The following FRY variants were observed in gnomAD, a reference collection of about 807,000 sequenced individuals.
FRY encodes the protein protein furry homolog.
A neutral mutation model predicts 348.4 loss-of-function variants in FRY; 128 were observed. The ratio of observed to expected loss-of-function variants is 0.37; its 90% CI spans 0.32 to 0.43. The LOEUF (loss-of-function observed/expected upper bound fraction) is 0.43, where lower values mean the gene tolerates loss of function less well. FRY is among the 20% of genes least tolerant of loss of function. The pLI is 1.00. For synonymous variants in FRY, 1,370 were observed against 1,374.7 expected (o/e 1.00, Z 0.08); for missense variants, 2,736 against 3,695.2 (o/e 0.74, Z 6.73).
chr13:32,052,386 T>C (rs1415691168), intron 1 of FRY, among the ~76,000 whole-genome samples: 1 of 152,240 alleles, frequency 6.6e-6, no homozygotes, highest in Non-Finnish European at 1.5e-5. Context: ...TGTGTCTAAG[T>C]TTTATAAAAA....
At chr13:32,145,545 T>TG (rs1880373915) in intron 11 of FRY, among the ~76,000 whole-genome samples, 2 of 145,756 alleles carry the variant, frequency 1.4e-5, no homozygotes, top group South Asian at 4.4e-4. Flanking sequence ...TTTTTTTTTT[T>TG]TTTTTTTTTT....
chr13:32,154,332 T>C (rs890000103), intron 14 of FRY, among the ~76,000 whole-genome samples: 2 of 152,212 alleles, frequency 1.3e-5, no homozygotes, highest in Non-Finnish European at 2.9e-5. Flanking sequence ...AAAGTACACA[T>C]TGAATTGCTT....
intron 2 of FRY, among the ~76,000 whole-genome samples, chr13:32,095,544 C>T (rs1234722959): frequency 1.3e-5 from 2 of 151,978 alleles, no homozygotes; most frequent in African/African-American, 4.8e-5. Context: ...GGGATTTCAC[C>T]ATGTTGGTCA....
chr13:32,159,374 G>A (rs573068353), intron 16 of FRY, among the ~76,000 whole-genome samples: 77 of 152,268 alleles, frequency 5.1e-4, no homozygotes, highest in African/African-American at 1.8e-3. Context: ...ACTTTCCCAG[G>A]CCCTACGCAG....
chr13:32,178,101 T>C, intron 20 of FRY, 76 bp from the exon 21 acceptor site: 1 of 1,482,412 alleles, frequency 6.7e-7, no homozygotes, highest in Non-Finnish European at 9.4e-7. Context: ...CAAGAATGAG[T>C]AGTCAGGCTG....
intron 41 of FRY, among the ~76,000 whole-genome samples, chr13:32,234,027 G>A (rs1053231475): frequency 1.8e-4 from 26 of 148,542 alleles, no homozygotes; most frequent in African/African-American, 6.4e-4. Flanking sequence ...GCACACTCCT[G>A]TAATCCCAGC....
intron 14 of FRY, among the ~76,000 whole-genome samples, 159 bp downstream of exon 14, chr13:32,149,993 G>C (rs1373115195): frequency 6.6e-6 from 1 of 152,216 alleles, no homozygotes; most frequent in Non-Finnish European, 1.5e-5. Context: ...AATTTCAGAA[G>C]TAAAATTTTG....
intron 3 of FRY, among the ~76,000 whole-genome samples, chr13:32,110,736 A>G (rs531311747): frequency 4.6e-5 from 7 of 152,336 alleles, no homozygotes; most frequent in Admixed American, 2.0e-4. Flanking sequence ...TAAACATACA[A>G]TGTGTTAAAT....
At chr13:32,206,842 T>C (rs985038477) in intron 31 of FRY, among the ~76,000 whole-genome samples, 1 of 152,222 alleles carries the variant, frequency 6.6e-6, no homozygotes, top group African/African-American at 2.4e-5. Flanking sequence ...AAATTTTTAT[T>C]GCCTGTAATT....
At chr13:32,173,583 T>C (rs1455453581) in intron 19 of FRY, 34 bp downstream of exon 19, 3 of 1,465,266 alleles carry the variant, frequency 2.0e-6, no homozygotes, top group Non-Finnish European at 2.9e-6. Flanking sequence ...TTCCATTTCT[T>C]ACTTTCAACT....
At chr13:32,101,051 T>C (rs1877133167) in intron 2 of FRY, among the ~76,000 whole-genome samples, 1 of 152,192 alleles carries the variant, frequency 6.6e-6, no homozygotes, top group Non-Finnish European at 1.5e-5. Context: ...ACAGTAGCTC[T>C]CCAGAACTTA....
intron 15 of FRY, 152 bp downstream of exon 15, chr13:32,155,814 G>A: frequency 1.6e-6 from 1 of 610,202 alleles, no homozygotes; most frequent in East Asian, 2.8e-5. Context: ...GATTCATGCT[G>A]TGTTTTGTTT....
intron 29 of FRY, among the ~76,000 whole-genome samples, chr13:32,195,692 A>G (rs1307015751): frequency 6.6e-6 from 1 of 152,222 alleles, no homozygotes; most frequent in Admixed American, 6.5e-5. Context: ...TTAACAACAT[A>G]GTCTCAATTT....
intron 26 of FRY, 125 bp downstream of exon 26, chr13:32,185,273 A>G (rs1268917043): frequency 1.6e-5 from 12 of 770,608 alleles, no homozygotes; most frequent in Non-Finnish European, 2.3e-5. Context: ...AAGTTTATTT[A>G]CTTCGAGATA....
At chr13:32,104,684 A>T (rs763904133) in intron 3 of FRY, among the ~76,000 whole-genome samples, 4 of 152,100 alleles carry the variant, frequency 2.6e-5, no homozygotes, top group Admixed American at 6.5e-5. Context: ...CCCCACCCAA[A>T]TCTCTCCTCG....
intron 2 of FRY, among the ~76,000 whole-genome samples, chr13:32,099,351 C>A (rs1173016153): frequency 6.6e-6 from 1 of 151,746 alleles, no homozygotes; most frequent in Admixed American, 6.6e-5. Flanking sequence ...CATACATACA[C>A]ACACACTAAC....
intron 1 of FRY, among the ~76,000 whole-genome samples, chr13:32,074,489 T>C (rs1253485482): frequency 6.6e-6 from 1 of 152,142 alleles, no homozygotes; most frequent in Non-Finnish European, 1.5e-5. Flanking sequence ...CTGGTTTGAA[T>C]GACTTTTTAG....
intron 29 of FRY, among the ~76,000 whole-genome samples, chr13:32,200,031 C>G (rs1883912408): frequency 1.3e-5 from 2 of 152,202 alleles, no homozygotes; most frequent in Non-Finnish European, 2.9e-5. Flanking sequence ...CAGGGCTTCA[C>G]ATGGCAGGAG....
At chr13:32,081,742 G>A (rs1875509097) in intron 2 of FRY, among the ~76,000 whole-genome samples, 1 of 152,208 alleles carries the variant, frequency 6.6e-6, no homozygotes, top group African/African-American at 2.4e-5. Context: ...TTGTAGGCCA[G>A]CAAATGTGAA....
Sources: gnomAD v4.1 joint callset for allele counts (sites outside exome capture counted in the v4.1 genomes callset) on GRCh38, gnomAD v4.1.1 for gene constraint, MANE v1.5 for transcripts, NCBI Gene and HGNC (gene_info 2026-07-23, HGNC 2026-07-21) for gene names.